The following KCNMA1 variants were observed in gnomAD, a reference collection of about 807,000 sequenced individuals.
KCNMA1 encodes potassium calcium-activated channel subfamily M alpha 1.
A neutral mutation model predicts 140.0 loss-of-function variants in KCNMA1; 29 were observed. That is an observed-to-expected ratio of 0.21 (90% confidence interval 0.15 to 0.28). KCNMA1 has a LOEUF of 0.28. KCNMA1 is among the 10% of genes least tolerant of loss of function. KCNMA1 has a pLI of 1.00. For synonymous variants in KCNMA1, 612 were observed against 611.9 expected (o/e 1.00, Z 0.00); for missense variants, 880 against 1,602.2 (o/e 0.55, Z 7.70).
In KCNMA1 at chr10:77,596,395, GT is replaced by G. The variant is rs1030265500; in HGVS notation, c.378+40869del. Reference sequence around the variant, plus strand: ...AGACTCATACACAAGATTATTCATTGTTTGAAGTGCAACAGATGGGACATGG... The same window carrying G: ...AGACTCATACACAAGATTATTCATTGTTGAAGTGCAACAGATGGGACATGG... On this transcript the variant is annotated intron_variant, in intron 1 of 27. Transcript: ENST00000286628. Among the ~76,000 whole-genome samples, 55 of 152,134 alleles carry G rather than the reference GT, an allele frequency of 3.6e-4. 1 individual carries two copies. Among genetic ancestry groups the G allele is most frequent in the South Asian group, 6.2e-4 (3 of 4,832 alleles).
intron 14 of KCNMA1, among the ~76,000 whole-genome samples, chr10:77,051,727 T>C (rs577197306): frequency 6.6e-6 from 1 of 152,198 alleles, no homozygotes; most frequent in Non-Finnish European, 1.5e-5. Flanking sequence ...CTTCAAAAAA[T>C]CCCAGCCTTA....
intron 24 of KCNMA1, chr10:76,914,173 G>T (rs1412088392): frequency 8.6e-5 from 124 of 1,439,280 alleles, no homozygotes; most frequent in Non-Finnish European, 5.7e-6. Flanking sequence ...TGGGGAAAGG[G>T]AGTGGAGGAA....
At chr10:77,150,900 A>T (rs573829388) in intron 5 of KCNMA1, among the ~76,000 whole-genome samples, 55 of 152,324 alleles carry the variant, frequency 3.6e-4, no homozygotes, top group African/African-American at 1.2e-3. Flanking sequence ...GAAAGAAGGA[A>T]GGGAGGAAGA....
At chr10:77,576,701 T>C (rs942173588) in intron 1 of KCNMA1, among the ~76,000 whole-genome samples, 1 of 152,112 alleles carries the variant, frequency 6.6e-6, no homozygotes, top group African/African-American at 2.4e-5. Flanking sequence ...ACAAGAAGAC[T>C]GCAAAGGAAG....
At chr10:77,570,426 T>C (rs1019694491) in intron 1 of KCNMA1, among the ~76,000 whole-genome samples, 2,001 of 150,232 alleles carry the variant, frequency 0.013, 47 homozygotes, top group African/African-American at 0.047. Context: ...CATGAGTTCA[T>C]GTCCTTTGTA....
At chr10:77,249,795 A>T (rs1467229302) in intron 3 of KCNMA1, 3 of 152,228 alleles carry the variant, frequency 2.0e-5, no homozygotes, top group African/African-American at 7.2e-5. Flanking sequence ...CTTCAATGAC[A>T]TGCCAATGGG....
chr10:77,151,156 T>A (rs1457055526), intron 5 of KCNMA1, among the ~76,000 whole-genome samples: 2 of 150,616 alleles, frequency 1.3e-5, no homozygotes, highest in African/African-American at 4.9e-5. Flanking sequence ...TCTTTCTTTC[T>A]TTTCTTTTCT....
At chr10:76,948,686 C>T (rs2065140909) in intron 22 of KCNMA1, among the ~76,000 whole-genome samples, 1 of 152,124 alleles carries the variant, frequency 6.6e-6, no homozygotes, top group South Asian at 2.1e-4. Context: ...GCCTTCTGTA[C>T]AGCAGAAATA....
intron 3 of KCNMA1, among the ~76,000 whole-genome samples, chr10:77,220,928 A>G (rs980583902): frequency 6.6e-6 from 1 of 152,156 alleles, no homozygotes; most frequent in Non-Finnish European, 1.5e-5. Context: ...ACTCAATAAA[A>G]TTATCAATCG....
chr10:77,525,983 A>T (rs2055445029), intron 1 of KCNMA1, among the ~76,000 whole-genome samples: 2 of 152,166 alleles, frequency 1.3e-5, no homozygotes, highest in Admixed American at 6.5e-5. Flanking sequence ...AAAATGGGAG[A>T]AGTATCGGGG....
At chr10:77,063,069 A>G (rs1433013660) in intron 14 of KCNMA1, among the ~76,000 whole-genome samples, 1 of 152,170 alleles carries the variant, frequency 6.6e-6, no homozygotes, top group African/African-American at 2.4e-5. Flanking sequence ...CATGTTTTCC[A>G]TATGTATCTG....
chr10:77,166,187 C>T (rs1263948176), intron 5 of KCNMA1, among the ~76,000 whole-genome samples: 1 of 152,076 alleles, frequency 6.6e-6, no homozygotes, highest in African/African-American at 2.4e-5. Flanking sequence ...TATAAACAAA[C>T]AAGAAAATTG....
At chr10:77,264,908 G>A (rs1226551260) in intron 2 of KCNMA1, among the ~76,000 whole-genome samples, 1 of 152,102 alleles carries the variant, frequency 6.6e-6, no homozygotes, top group East Asian at 1.9e-4. Flanking sequence ...CAAAGTTGCT[G>A]AGTATCCACT....
chr10:77,068,852 AACACACACACACACAC>A (rs147592319), intron 14 of KCNMA1, among the ~76,000 whole-genome samples: 55,890 of 133,672 alleles, frequency 0.42, 12,785 homozygotes, highest in Middle Eastern at 0.52. Flanking sequence ...TCACCCTCTA[AACACACACACACACAC>A]ACACACACAC....
intron 1 of KCNMA1, among the ~76,000 whole-genome samples, chr10:77,557,862 C>G (rs1238954613): frequency 2.0e-5 from 3 of 152,026 alleles, no homozygotes; most frequent in Non-Finnish European, 2.9e-5. Context: ...GTTAGCCAGG[C>G]TAGTCTTGAA....
At chr10:77,427,702 C>A (rs1392942573) in intron 1 of KCNMA1, among the ~76,000 whole-genome samples, 1 of 150,758 alleles carries the variant, frequency 6.6e-6, no homozygotes, top group Non-Finnish European at 1.5e-5. Flanking sequence ...GTCATCCAAT[C>A]CTGAGCATCC....
intron 23 of KCNMA1, among the ~76,000 whole-genome samples, chr10:76,941,553 A>G (rs1252083781): frequency 1.3e-5 from 2 of 152,112 alleles, no homozygotes; most frequent in Non-Finnish European, 2.9e-5. Context: ...ATTCAAAAAC[A>G]AGAGAGGAGC....
chr10:77,214,974 T>C (rs2047242592), intron 3 of KCNMA1, among the ~76,000 whole-genome samples: 1 of 152,222 alleles, frequency 6.6e-6, no homozygotes, highest in Non-Finnish European at 1.5e-5. Flanking sequence ...TTTCCAAATG[T>C]AATATGATTC....
intron 1 of KCNMA1, among the ~76,000 whole-genome samples, chr10:77,592,516 AT>A (rs1344201510): frequency 1.3e-5 from 2 of 152,218 alleles, no homozygotes; most frequent in Non-Finnish European, 2.9e-5. Flanking sequence ...CTCTGTACTA[AT>A]TTGCAAATTT....
Sources: allele counts gnomAD v4.1 joint callset (sites outside exome capture counted in the v4.1 genomes callset), GRCh38; gene constraint gnomAD v4.1.1; transcripts MANE v1.5; gene names NCBI Gene and HGNC (gene_info 2026-07-23, HGNC 2026-07-21).